Variants in PWWP2B observed in about 807,000 individuals in gnomAD.
PWWP2B encodes PWWP domain-containing protein 2B.
A neutral mutation model predicts 15.5 loss-of-function variants in PWWP2B; 9 were observed. The ratio of observed to expected loss-of-function variants is 0.58; its 90% CI spans 0.35 to 1.02. The LOEUF (loss-of-function observed/expected upper bound fraction) is 1.02, where lower values mean the gene tolerates loss of function less well. Among genes scored for constraint, PWWP2B ranks in the 50% least tolerant of loss-of-function variants. PWWP2B has a pLI of 0.02. For synonymous variants in PWWP2B, 474 were observed against 403.6 expected, an observed-to-expected ratio of 1.17 and a Z score of -2.09; for missense variants, 864 against 865.3, an observed-to-expected ratio of 1.00 and a Z score of 0.02.
At chr10:132,415,597 TCA>T (rs1303711648) in intron 2 of PWWP2B, among the ~76,000 whole-genome samples, 4 of 138,280 alleles carry the variant, frequency 2.9e-5, no homozygotes, top group Admixed American at 2.9e-4. Context: ...ACACACCCAC[TCA>T]CATTTACTCA....
chr10:132,403,461 A>G (rs147892952), intron 1 of PWWP2B, among the ~76,000 whole-genome samples: 1 of 152,312 alleles, frequency 6.6e-6, no homozygotes, highest in African/African-American at 2.4e-5. Flanking sequence ...TGGTAACATC[A>G]GCGTTCGCAG....
At chr10:132,404,515 C>G (rs2069654708) in intron 1 of PWWP2B, 111 bp from the exon 2 acceptor site, 2 of 902,912 alleles carry the variant, frequency 2.2e-6, no homozygotes, top group Non-Finnish European at 3.6e-6. Flanking sequence ...GCATGGCTCG[C>G]TGCCCAGACC....
At chr10:132,408,950 G>C (rs376918360) in intron 2 of PWWP2B, among the ~76,000 whole-genome samples, 1 of 152,216 alleles carries the variant, frequency 6.6e-6, no homozygotes, top group Non-Finnish European at 1.5e-5. Context: ...GCGCCAGGAC[G>C]CATGGCTGTG....
intron 1 of PWWP2B, among the ~76,000 whole-genome samples, chr10:132,397,804 G>A (rs1411635008): frequency 6.6e-6 from 1 of 152,222 alleles, no homozygotes; most frequent in Non-Finnish European, 1.5e-5. Context: ...GAGTGACTCC[G>A]CGGCTGAGGT....
rs761771232 is a variant in PWWP2B, at chr10:132,405,342, G to A, written c.842G>A (p.Arg281His). ...GTGCACGGCTCTCTGGAGCCCTTCCGTCCCCAGCAGGCCCCGCAGGACGAC... is the reference window on the plus strand; with the variant it reads ...GTGCACGGCTCTCTGGAGCCCTTCCATCCCCAGCAGGCCCCGCAGGACGAC... Reference protein sequence around the residue: ...SRVHGSLEPFRPQQAPQDDGS... With the variant: ...SRVHGSLEPFHPQQAPQDDGS... The change falls in exon 2 of 3, where the codon CGT becomes CAT. Residue 281 changes from arginine (R) to histidine (H), a missense_variant. Coordinates refer to ENST00000305233, the MANE Select transcript of PWWP2B (RefSeq NM_138499.4). The A allele has an allele frequency of 1.2e-5, 20 of 1,611,740 alleles. No individual in the cohort carries two copies. The highest frequency in any genetic ancestry group is 1.7e-4 in the Middle Eastern group (1 of 6,058).
chr10:132,399,147 G>T (rs1278219188), intron 1 of PWWP2B, among the ~76,000 whole-genome samples: 1 of 151,728 alleles, frequency 6.6e-6, no homozygotes, highest in Non-Finnish European at 1.5e-5. Flanking sequence ...GCCTCGGACC[G>T]CAGGGTGCTG....
chr10:132,411,757 G>A (rs578115339), intron 2 of PWWP2B, among the ~76,000 whole-genome samples: 1 of 152,230 alleles, frequency 6.6e-6, no homozygotes, highest in Non-Finnish European at 1.5e-5. Flanking sequence ...TGGAGTCTCC[G>A]GGCCAGAAGC....
intron 2 of PWWP2B, among the ~76,000 whole-genome samples, chr10:132,411,935 T>C (rs1021963099): frequency 2.6e-5 from 4 of 152,264 alleles, no homozygotes; most frequent in African/African-American, 9.6e-5. Context: ...CCTGCGTTGC[T>C]TTCAGGGAAT....
rs536423584 is a variant in PWWP2B at position 132,417,345 on chromosome 10, C to T, written c.*301C>T. ...GGCTGCTGGCTGCTGCTGCCTCGCG[C>T]GCTGGGGTTCCATGGAGGAACTGGG... On this transcript the variant is annotated 3_prime_UTR_variant, in exon 3 of 3. Transcript: ENST00000305233. 3.5e-5 allele frequency: 18 copies of T among 512,918 alleles called. No homozygotes were observed. The highest frequency in any genetic ancestry group is 7.9e-5 in the African/African-American group (4 of 50,856). 31.8% of individuals were successfully genotyped at this position (512,918 alleles called of 1,614,324 possible). A position where few individuals can be genotyped will look rare whatever the true frequency, so the allele number is the denominator to read the frequency against.
intron 2 of PWWP2B, among the ~76,000 whole-genome samples, chr10:132,409,479 A>G (rs888252167): frequency 3.3e-5 from 5 of 152,026 alleles, no homozygotes; most frequent in Non-Finnish European, 5.9e-5. Flanking sequence ...AGAGAAGGCA[A>G]TGCCACCCAC....
intron 1 of PWWP2B, among the ~76,000 whole-genome samples, chr10:132,403,642 C>A (rs2069641024): frequency 6.6e-6 from 1 of 152,234 alleles, no homozygotes; most frequent in Non-Finnish European, 1.5e-5. Context: ...GAGGACAAAT[C>A]CCCCAAAGCC....
chr10:132,409,572 G>T (rs914071661), intron 2 of PWWP2B, among the ~76,000 whole-genome samples: 1 of 152,148 alleles, frequency 6.6e-6, no homozygotes, highest in Non-Finnish European at 1.5e-5. Context: ...CTCGGGCTGG[G>T]GTCCTGCCCC....
intron 2 of PWWP2B, among the ~76,000 whole-genome samples, chr10:132,415,710 T>TTCACACAAACACACATACACACACAC (rs2069844063): frequency 8.2e-6 from 1 of 121,298 alleles, no homozygotes; most frequent in African/African-American, 3.4e-5. Context: ...CTCACACACA[T>TTCACACAAACACACATACACACACAC]CCACTCACAC....
Position 132,405,665 on chromosome 10 carries a change from G to A in PWWP2B, c.1165G>A (p.Asp389Asn), listed in dbSNP as rs367762742. Residue 389 changes from aspartate (D) to asparagine (N), a missense_variant, in exon 2 of 3, where the codon GAT (aspartate) becomes AAT (asparagine). Physicochemically the swap from Asp to Asn is conservative, Grantham distance 23. Coordinates refer to ENST00000305233, the MANE Select transcript of PWWP2B (RefSeq NM_138499.4). Reference sequence around the variant, plus strand: ...GTCTTCTGGAAGTTCGGGTGAGGACGATGACTTCAAGAGCTGTCCCCAGGG... The same window carrying A: ...GTCTTCTGGAAGTTCGGGTGAGGACAATGACTTCAAGAGCTGTCCCCAGGG... ...DLSSGSSGEDDDFKSCPQGPQ... is the reference protein window; with the variant it reads ...DLSSGSSGEDNDFKSCPQGPQ... 23 of 1,612,310 alleles carry A rather than the reference G, an allele frequency of 1.4e-5. No individual in the cohort carries two copies. The South Asian group carries it at 1.6e-4, about 12-fold the overall frequency.
chr10:132,416,453 A>G (rs2069857771), intron 2 of PWWP2B, among the ~76,000 whole-genome samples: 1 of 152,090 alleles, frequency 6.6e-6, no homozygotes, highest in Admixed American at 6.5e-5. Flanking sequence ...TGTCCCCGCC[A>G]GGTCTTTTTG....
At chr10:132,412,838 C>T (rs566868825) in intron 2 of PWWP2B, among the ~76,000 whole-genome samples, 3 of 152,378 alleles carry the variant, frequency 2.0e-5, no homozygotes, top group Admixed American at 2.0e-4. Context: ...CGAGGAGTCC[C>T]TCCTGAGCGT....
chr10:132,417,297 G>A lies in PWWP2B; in HGVS notation c.*253G>A. On this transcript the variant is annotated 3_prime_UTR_variant, in exon 3 of 3. Coordinates refer to ENST00000305233, the MANE Select transcript of PWWP2B (RefSeq NM_138499.4). ...GCGCATGGCTGCCCTGGCTCACGAGGCAGTCGGGACTCGTGACTTGCTGGC... is the reference window on the plus strand; with the variant it reads ...GCGCATGGCTGCCCTGGCTCACGAGACAGTCGGGACTCGTGACTTGCTGGC... The A allele has an allele frequency of 1.8e-6, 1 of 570,312 alleles. No individual in the cohort carries two copies. The highest frequency in any genetic ancestry group is 3.1e-6 in the Non-Finnish European group (1 of 321,220). 35.3% of individuals were successfully genotyped at this position (570,312 alleles called of 1,614,324 possible). A position where few individuals can be genotyped will look rare whatever the true frequency, so the allele number is the denominator to read the frequency against.
At chr10:132,402,514 G>A (rs181758364) in intron 1 of PWWP2B, among the ~76,000 whole-genome samples, 12 of 152,382 alleles carry the variant, frequency 7.9e-5, no homozygotes, top group Admixed American at 2.0e-4. Context: ...ACCAGCGGGC[G>A]TGTGCACCAG....
intron 1 of PWWP2B, among the ~76,000 whole-genome samples, chr10:132,401,638 A>G (rs528898613): frequency 4.6e-5 from 7 of 152,184 alleles, no homozygotes; most frequent in Non-Finnish European, 2.9e-5. Flanking sequence ...ACCACTCTTC[A>G]CGTCCCAGGG....
Sources: allele counts gnomAD v4.1 joint callset (sites outside exome capture counted in the v4.1 genomes callset), GRCh38; gene constraint gnomAD v4.1.1; transcripts MANE v1.5; gene names NCBI Gene and HGNC (gene_info 2026-07-23, HGNC 2026-07-21).